The following ADAMTS17 variants were observed in gnomAD, a reference collection of about 807,000 sequenced individuals.
The protein encoded by ADAMTS17 is A disintegrin and metalloproteinase with thrombospondin motifs 17.
In ADAMTS17, 113 loss-of-function variants were observed where a neutral mutation model predicts 141.5. That is an observed-to-expected ratio of 0.80 (90% confidence interval 0.69 to 0.93). The LOEUF (loss-of-function observed/expected upper bound fraction) is 0.93. Ranked by LOEUF, ADAMTS17 falls within the 40% of genes least tolerant of loss-of-function variation. ADAMTS17 has a pLI of 0.00. For missense variants in ADAMTS17, 1,659 were observed against 1,517.9 expected, an observed-to-expected ratio of 1.09 and a Z score of -1.54; for synonymous variants, 768 against 630.6, an observed-to-expected ratio of 1.22 and a Z score of -3.27.
At chr15:100,162,935 T>G (rs2039788779) in intron 8 of ADAMTS17, among the ~76,000 whole-genome samples, 1 of 146,446 alleles carries the variant, frequency 6.8e-6, no homozygotes. Context: ...TAACTATATA[T>G]GTATATATTT....
chr15:100,134,596 C>G (rs150654810), intron 10 of ADAMTS17, among the ~76,000 whole-genome samples: 2 of 152,216 alleles, frequency 1.3e-5, no homozygotes, highest in Admixed American at 6.5e-5. Context: ...GTTTAGAGGT[C>G]TGCTCTTCCA....
chr15:100,092,069 CTT>C (rs1298840888), intron 15 of ADAMTS17, among the ~76,000 whole-genome samples: 1 of 152,178 alleles, frequency 6.6e-6, no homozygotes, highest in Admixed American at 6.5e-5. Flanking sequence ...AATATGAAAA[CTT>C]TTCTATGGAA....
At chr15:100,105,520 C>T (rs1894993599) in intron 14 of ADAMTS17, among the ~76,000 whole-genome samples, 1 of 152,092 alleles carries the variant, frequency 6.6e-6, no homozygotes, top group African/African-American at 2.4e-5. Context: ...ATCACATCTG[C>T]AATGGACTGG....
intron 8 of ADAMTS17, among the ~76,000 whole-genome samples, chr15:100,172,185 C>T (rs2141475822): frequency 6.6e-6 from 1 of 152,302 alleles, no homozygotes; most frequent in Non-Finnish European, 1.5e-5. Context: ...TGTGGCTGCA[C>T]AGTGGAATCC....
chr15:100,060,685 C>G (rs1427778306), intron 15 of ADAMTS17, among the ~76,000 whole-genome samples: 2 of 152,232 alleles, frequency 1.3e-5, no homozygotes, highest in Non-Finnish European at 2.9e-5. Flanking sequence ...AAGTCAGCTC[C>G]TTTTATTTCC....
intron 14 of ADAMTS17, among the ~76,000 whole-genome samples, chr15:100,105,538 T>G (rs752924830): frequency 6.6e-6 from 1 of 152,214 alleles, no homozygotes; most frequent in African/African-American, 2.4e-5. Flanking sequence ...TGGATGTTTG[T>G]GTCTTCTAGA....
intron 8 of ADAMTS17, among the ~76,000 whole-genome samples, chr15:100,184,220 C>T (rs2040624139): frequency 6.6e-6 from 1 of 152,134 alleles, no homozygotes; most frequent in Non-Finnish European, 1.5e-5. Context: ...TCTCCCCAGT[C>T]CATTGGCCAG....
intron 21 of ADAMTS17, 74 bp downstream of exon 21, chr15:99,975,971 T>C: frequency 6.8e-7 from 1 of 1,466,340 alleles, no homozygotes; most frequent in Non-Finnish European, 9.1e-7. Flanking sequence ...TGAAAGAACC[T>C]CACCGTCAGG....
intron 15 of ADAMTS17, among the ~76,000 whole-genome samples, chr15:100,073,439 T>C (rs1290917400): frequency 2.0e-5 from 3 of 152,272 alleles, no homozygotes; most frequent in Non-Finnish European, 4.4e-5. Context: ...TTATAAATCA[T>C]GCTGTTATAA....
At chr15:100,229,105 G>A (rs1011621159) in intron 7 of ADAMTS17, among the ~76,000 whole-genome samples, 3 of 152,158 alleles carry the variant, frequency 2.0e-5, no homozygotes, top group African/African-American at 7.2e-5. Flanking sequence ...GCCTGGGAGG[G>A]GAAGATGGTT....
chr15:100,195,516 T>C (rs933965366), intron 8 of ADAMTS17, among the ~76,000 whole-genome samples: 1 of 151,302 alleles, frequency 6.6e-6, no homozygotes, highest in Non-Finnish European at 1.5e-5. Flanking sequence ...CACAGAACTA[T>C]TGATCATTTT....
intron 14 of ADAMTS17, among the ~76,000 whole-genome samples, chr15:100,098,608 A>C (rs766367282): frequency 6.6e-6 from 1 of 151,708 alleles, no homozygotes; most frequent in Non-Finnish European, 1.5e-5. Context: ...GGTTGCAGTG[A>C]GCTGAGATTG....
chr15:100,257,631 C>T (rs2043371283), intron 6 of ADAMTS17, among the ~76,000 whole-genome samples: 1 of 152,224 alleles, frequency 6.6e-6, no homozygotes, highest in Non-Finnish European at 1.5e-5. Context: ...TTTCTCTGTA[C>T]CTGGATGAGG....
intron 7 of ADAMTS17, among the ~76,000 whole-genome samples, chr15:100,203,408 A>C (rs2041413870): frequency 6.6e-6 from 1 of 152,204 alleles, no homozygotes. Context: ...CCCTGTCTCT[A>C]CTAAAAATAC....
At chr15:100,340,350 A>G (rs2046326560) in intron 2 of ADAMTS17, among the ~76,000 whole-genome samples, 1 of 152,196 alleles carries the variant, frequency 6.6e-6, no homozygotes, top group Non-Finnish European at 1.5e-5. Context: ...TGCCACAGCA[A>G]GGGAGCTCCT....
At chr15:100,179,339 C>G (rs996978061) in intron 8 of ADAMTS17, among the ~76,000 whole-genome samples, 1 of 152,152 alleles carries the variant, frequency 6.6e-6, no homozygotes, top group Admixed American at 6.5e-5. Context: ...ATTTCTGTGC[C>G]TGGCTTATTA....
chr15:100,060,971 C>T (rs768977297), intron 15 of ADAMTS17, among the ~76,000 whole-genome samples: 1 of 152,168 alleles, frequency 6.6e-6, no homozygotes, highest in Non-Finnish European at 1.5e-5. Context: ...CAGGCTTGCC[C>T]GAATCCATCA....
chr15:100,267,162 C>T (rs1279989133), intron 4 of ADAMTS17, among the ~76,000 whole-genome samples: 4 of 152,116 alleles, frequency 2.6e-5, no homozygotes, highest in Non-Finnish European at 5.9e-5. Context: ...CCCACTGCCC[C>T]CCACCCAACC....
At chr15:100,201,669 A>G (rs1202637104) in intron 7 of ADAMTS17, among the ~76,000 whole-genome samples, 3 of 152,218 alleles carry the variant, frequency 2.0e-5, no homozygotes, top group Admixed American at 6.5e-5. Flanking sequence ...GTGCTTAGTT[A>G]AAAATAAATA....
Sources: allele counts gnomAD v4.1 joint callset (sites outside exome capture counted in the v4.1 genomes callset), GRCh38; gene constraint gnomAD v4.1.1; transcripts MANE v1.5; gene names NCBI Gene and HGNC (gene_info 2026-07-23, HGNC 2026-07-21).